Variants in KCNIP4 observed in about 807,000 individuals in gnomAD.
KCNIP4 encodes the protein Kv channel-interacting protein 4.
In KCNIP4, 12 loss-of-function variants were observed where a neutral mutation model predicts 34.0. The ratio of observed to expected loss-of-function variants is 0.35; its 90% confidence interval spans 0.23 to 0.57. The LOEUF (loss-of-function observed/expected upper bound fraction) is 0.57, where lower values mean the gene tolerates loss of function less well. Ranked by LOEUF, KCNIP4 falls within the 20% of genes least tolerant of loss-of-function variation. The pLI is 0.83. For missense variants in KCNIP4, 238 were observed against 311.7 expected (o/e 0.76, Z 1.78); for synonymous variants, 124 against 102.2 (o/e 1.21, Z -1.29).
chr4:21,622,847 T>C (rs1177011390), intron 1 of KCNIP4, among the ~76,000 whole-genome samples: 2 of 152,198 alleles, frequency 1.3e-5, no homozygotes, highest in Admixed American at 6.5e-5. Flanking sequence ...CAGGTTATAC[T>C]TCACAAAATC....
At chr4:21,775,153 G>T (rs1427762263) in intron 1 of KCNIP4, among the ~76,000 whole-genome samples, 1 of 152,036 alleles carries the variant, frequency 6.6e-6, no homozygotes, top group East Asian at 1.9e-4. Context: ...TTTTTGGTTG[G>T]TGGTGTTGAT....
At chr4:21,449,050 A>G (rs1053493195) in intron 1 of KCNIP4, among the ~76,000 whole-genome samples, 2 of 152,200 alleles carry the variant, frequency 1.3e-5, no homozygotes, top group Admixed American at 6.5e-5. Context: ...GAAAAATGGC[A>G]GTGGGCTTTG....
At chr4:21,329,022 A>G (rs980480091) in intron 1 of KCNIP4, among the ~76,000 whole-genome samples, 2 of 152,264 alleles carry the variant, frequency 1.3e-5, no homozygotes, top group African/African-American at 2.4e-5. Context: ...ATTTCTTGAG[A>G]GCAAAGTATC....
chr4:20,880,746 G>A (rs1351149442), intron 2 of KCNIP4, among the ~76,000 whole-genome samples: 4 of 152,114 alleles, frequency 2.6e-5, no homozygotes, highest in Non-Finnish European at 4.4e-5. Context: ...AAGGAGAAAA[G>A]CAATGACTCT....
intron 1 of KCNIP4, among the ~76,000 whole-genome samples, chr4:21,774,348 T>C (rs1482916713): frequency 6.6e-6 from 1 of 152,168 alleles, no homozygotes; most frequent in African/African-American, 2.4e-5. Flanking sequence ...ACTTGGCCTT[T>C]CTCTCTGGCT....
chr4:20,864,050 A>G (rs1042454400), intron 2 of KCNIP4, among the ~76,000 whole-genome samples: 22 of 127,280 alleles, frequency 1.7e-4, no homozygotes, highest in Admixed American at 1.6e-4. Flanking sequence ...ATACGCATGT[A>G]TGTATACACA....
chr4:21,031,490 T>A (rs1410910381), intron 1 of KCNIP4, among the ~76,000 whole-genome samples: 4 of 152,188 alleles, frequency 2.6e-5, no homozygotes, highest in Admixed American at 6.5e-5. Context: ...GAATTCAGAT[T>A]GGTAAAACAA....
chr4:21,670,619 A>G (rs1449605067), intron 1 of KCNIP4, among the ~76,000 whole-genome samples: 1 of 152,148 alleles, frequency 6.6e-6, no homozygotes, highest in African/African-American at 2.4e-5. Context: ...CTTTAACACC[A>G]TCTGGTAAAA....
chr4:21,872,673 CTCTT>C (rs1006500665), intron 1 of KCNIP4, among the ~76,000 whole-genome samples: 2 of 152,180 alleles, frequency 1.3e-5, no homozygotes, highest in African/African-American at 4.8e-5. Flanking sequence ...ATGTATTTCA[CTCTT>C]TCTGTGTCTC....
At chr4:21,192,287 A>T (rs11937253) in intron 1 of KCNIP4, among the ~76,000 whole-genome samples, 1 of 152,030 alleles carries the variant, frequency 6.6e-6, no homozygotes, top group African/African-American at 2.4e-5. Flanking sequence ...TACACTCTTG[A>T]GGAAAACACT....
intron 2 of KCNIP4, among the ~76,000 whole-genome samples, chr4:20,871,567 C>G (rs2149510723): frequency 6.6e-6 from 1 of 152,124 alleles, no homozygotes; most frequent in Non-Finnish European, 1.5e-5. Context: ...ATTACTTTTC[C>G]TGTGGGTTTC....
chr4:21,722,363 G>A (rs543975326), intron 1 of KCNIP4, among the ~76,000 whole-genome samples: 1 of 152,164 alleles, frequency 6.6e-6, no homozygotes, highest in Admixed American at 6.6e-5. Context: ...CAGGGTAGGC[G>A]TTACTAAAAA....
At chr4:21,715,119 C>T (rs76990571) in intron 1 of KCNIP4, among the ~76,000 whole-genome samples, 2 of 146,478 alleles carry the variant, frequency 1.4e-5, no homozygotes, top group African/African-American at 2.5e-5. Context: ...CTGGCTGTGT[C>T]GCCCAGGCTG....
chr4:21,593,319 GA>G (rs1450722312), intron 1 of KCNIP4, among the ~76,000 whole-genome samples: 7 of 152,062 alleles, frequency 4.6e-5, no homozygotes, highest in African/African-American at 1.7e-4. Flanking sequence ...AAAATTGCAG[GA>G]ATTAAAAATG....
rs189656568 is a variant in KCNIP4, at chr4:20,962,414, G to A, written c.62-79705C>T. On this transcript the variant is annotated intron_variant, in intron 1 of 8. Coordinates refer to ENST00000382152, the MANE Select transcript of KCNIP4 (RefSeq NM_025221.6). ...TCCCACCTGGCTTCCATCATTAACA[G>A]AGACCTTTTCTTCTCGTTGCCCATG... 5.2e-4 allele frequency among the ~76,000 whole-genome samples: 79 copies of A among 152,322 alleles called. 1 individual carries two copies. The South Asian group carries it at 8.1e-3, about 16-fold the overall frequency.
At chr4:20,904,393 G>A (rs922464015) in intron 1 of KCNIP4, among the ~76,000 whole-genome samples, 1 of 149,594 alleles carries the variant, frequency 6.7e-6, no homozygotes, top group African/African-American at 2.4e-5. Context: ...AAGTTATATG[G>A]GCATAAAAAT....
intron 3 of KCNIP4, among the ~76,000 whole-genome samples, chr4:20,805,858 G>T (rs991247401): frequency 6.6e-6 from 1 of 152,078 alleles, no homozygotes; most frequent in African/African-American, 2.4e-5. Context: ...GTATTTTGAG[G>T]TTGGCTGGCT....
chr4:21,123,658 C>A (rs1424950163), intron 1 of KCNIP4, among the ~76,000 whole-genome samples: 2 of 152,064 alleles, frequency 1.3e-5, no homozygotes, highest in Non-Finnish European at 2.9e-5. Context: ...TATTTGTATG[C>A]CCCTAAAATT....
chr4:21,489,842 C>T (rs1479705159), intron 1 of KCNIP4, among the ~76,000 whole-genome samples: 1 of 151,996 alleles, frequency 6.6e-6, no homozygotes, highest in Non-Finnish European at 1.5e-5. Flanking sequence ...TATATAAACA[C>T]TGAGATTTGA....
Sources: gnomAD v4.1 joint callset for allele counts (sites outside exome capture counted in the v4.1 genomes callset) on GRCh38, gnomAD v4.1.1 for gene constraint, MANE v1.5 for transcripts, NCBI Gene and HGNC (gene_info 2026-07-23, HGNC 2026-07-21) for gene names.